EPHA4: variants seen among roughly 807,000 people sequenced by gnomAD.
EPHA4 encodes the protein EPH receptor A4, also known as ephrin type-A receptor 4.
In EPHA4, 19 loss-of-function variants were observed where a neutral mutation model predicts 108.3. The observed-to-expected ratio is 0.18, with a 90% CI of 0.12 to 0.26. The LOEUF (loss-of-function observed/expected upper bound fraction) is 0.26. Ranked by LOEUF, EPHA4 falls within the 10% of genes least tolerant of loss-of-function variation. EPHA4 has a pLI of 1.00. For missense variants in EPHA4, 917 were observed against 1,254.0 expected, an observed-to-expected ratio of 0.73 and a Z score of 4.06; for synonymous variants, 449 against 455.5, an observed-to-expected ratio of 0.99 and a Z score of 0.18.
At chr2:221,566,105 G>A (rs188346496) in intron 2 of EPHA4, among the ~76,000 whole-genome samples, 14 of 152,258 alleles carry the variant, frequency 9.2e-5, no homozygotes, top group South Asian at 2.1e-4. Flanking sequence ...TGGCTACAAC[G>A]ATGTTATCAG....
intron 5 of EPHA4, among the ~76,000 whole-genome samples, chr2:221,473,509 A>G (rs1390829708): frequency 1.3e-5 from 2 of 149,648 alleles, no homozygotes; most frequent in Non-Finnish European, 3.0e-5. Flanking sequence ...TTAATGCAAG[A>G]TAAGTCCTGT....
At chr2:221,527,803 A>G (rs1274348172) in intron 3 of EPHA4, among the ~76,000 whole-genome samples, 1 of 152,188 alleles carries the variant, frequency 6.6e-6, no homozygotes, top group Non-Finnish European at 1.5e-5. Context: ...ATTGAGGAAC[A>G]AAGAGATGAG....
At position 221,438,191 on chromosome 2, in the gene EPHA4, T is replaced by C. The variant is rs184640846; in HGVS notation, c.2075-1069A>G. On this transcript the variant is annotated intron_variant, in intron 11 of 17. Coordinates refer to ENST00000281821, the MANE Select transcript of EPHA4 (RefSeq NM_004438.5). The stretch of plus-strand genomic sequence containing the variant: ...CCATTCCCCCTACCTATTTTTTTTT[T>C]CTGCAAAGAAATAAAAATGATTTTA... 2.6e-3 allele frequency among the ~76,000 whole-genome samples: 395 copies of C among 152,198 alleles called. 2 individuals carry two copies. The highest frequency in any genetic ancestry group is 8.3e-3 in the African/African-American group (346 of 41,494).
rs200748922 is a variant in EPHA4, at chr2:221,501,054, G to T, written c.942C>A (p.Phe314Leu). ...ATSCTCDRGF[F>L]RADNDAASMP... ...TAGAGGCAGCATCGTTGTCAGCTCT[G>T]AAAAAGCCTCGGTCACAGGTGCACG... is the stretch of plus-strand genomic sequence containing the variant. The change falls in exon 4 of 18, where the codon TTC becomes TTA. Residue 314 changes from phenylalanine to leucine, a missense_variant. Transcript: ENST00000281821. 6.2e-7 allele frequency: 1 copy of T among 1,612,888 alleles called. No individual in the cohort carries two copies. The highest frequency in any genetic ancestry group is 1.3e-5 in the African/African-American group (1 of 74,988).
chr2:221,443,060 AG>A, intron 10 of EPHA4, 46 bp from the exon 11 acceptor site: 1 of 930,774 alleles, frequency 1.1e-6, no homozygotes, highest in Non-Finnish European at 1.5e-6. Flanking sequence ...AACACATTCA[AG>A]ATGAAAGAAT....
chr2:221,561,066 C>T (rs1296130510), intron 3 of EPHA4, among the ~76,000 whole-genome samples: 3 of 152,108 alleles, frequency 2.0e-5, no homozygotes, highest in Non-Finnish European at 4.4e-5. Flanking sequence ...CACGGTGAAA[C>T]CCCGTCTCTA....
intron 3 of EPHA4, among the ~76,000 whole-genome samples, chr2:221,514,960 C>T (rs1028875758): frequency 6.6e-6 from 1 of 152,054 alleles, no homozygotes. Context: ...CACTAACAAC[C>T]TAAATTTATC....
chr2:221,527,427 C>T (rs1296211002), intron 3 of EPHA4, among the ~76,000 whole-genome samples: 1 of 152,122 alleles, frequency 6.6e-6, no homozygotes, highest in Non-Finnish European at 1.5e-5. Context: ...TCAAAAGATG[C>T]CCTGGACAGA....
chr2:221,553,578 A>T (rs994338027), intron 3 of EPHA4, among the ~76,000 whole-genome samples: 4 of 152,236 alleles, frequency 2.6e-5, no homozygotes, highest in Admixed American at 1.3e-4. Context: ...GCCAAATGTC[A>T]AACAGCAGGG....
chr2:221,485,353 G>A (rs559700218), intron 4 of EPHA4, among the ~76,000 whole-genome samples: 61 of 152,314 alleles, frequency 4.0e-4, no homozygotes, highest in African/African-American at 1.4e-3. Flanking sequence ...CTAAGCTAGG[G>A]CAGCCTTCTT....
intron 6 of EPHA4, 143 bp downstream of exon 6, chr2:221,457,723 G>A (rs1691004262): frequency 1.2e-6 from 1 of 860,544 alleles, no homozygotes. Context: ...AAGGGAGGGA[G>A]CAAAGGAGGA....
chr2:221,513,444 GATT>G (rs1692891768), intron 3 of EPHA4, among the ~76,000 whole-genome samples: 1 of 152,190 alleles, frequency 6.6e-6, no homozygotes, highest in Non-Finnish European at 1.5e-5. Flanking sequence ...CAGGAATCAT[GATT>G]TATGCAGCTG....
At chr2:221,439,125 C>T (rs1690334621) in intron 11 of EPHA4, among the ~76,000 whole-genome samples, 1 of 152,022 alleles carries the variant, frequency 6.6e-6, no homozygotes, top group Non-Finnish European at 1.5e-5. Context: ...AAAATGGTAC[C>T]ATGGACATTT....
chr2:221,459,037 T>G lies in EPHA4; in HGVS notation c.1319-1047A>C, dbSNP rs186020063. ...CATCCTCCTGCCCTTTTGCAATACA[T>G]GCGTATGAATGCCAACCCCTAACTC... On this transcript the variant is annotated intron_variant, in intron 5 of 17. Coordinates refer to ENST00000281821, the MANE Select transcript of EPHA4 (RefSeq NM_004438.5). Among the ~76,000 whole-genome samples, 22 of 152,298 alleles carry G rather than the reference T, an allele frequency of 1.4e-4. No individual in the cohort carries two copies. In the East Asian group the frequency reaches 3.9e-3, roughly 27 times the overall value.
chr2:221,423,189 C>A (rs1239012035), intron 17 of EPHA4, among the ~76,000 whole-genome samples: 1 of 152,214 alleles, frequency 6.6e-6, no homozygotes, highest in South Asian at 2.1e-4. Flanking sequence ...TGCAACAACA[C>A]CATGCATTAG....
At chr2:221,475,189 A>G (rs926668297) in intron 5 of EPHA4, among the ~76,000 whole-genome samples, 1 of 152,158 alleles carries the variant, frequency 6.6e-6, no homozygotes, top group Admixed American at 6.5e-5. Context: ...ATTATTTAAA[A>G]AGAAAATTGC....
chr2:221,522,098 C>T (rs1275854852), intron 3 of EPHA4, among the ~76,000 whole-genome samples: 1 of 152,222 alleles, frequency 6.6e-6, no homozygotes, highest in Non-Finnish European at 1.5e-5. Context: ...CCAGGCACTT[C>T]AAATATGCAT....
intron 13 of EPHA4, among the ~76,000 whole-genome samples, chr2:221,435,936 A>AT (rs1690219020): frequency 9.4e-6 from 1 of 106,170 alleles, no homozygotes; most frequent in Admixed American, 1.1e-4. Context: ...TAAAACAACA[A>AT]CAAAAAAAAA....
chr2:221,433,180 G>A (rs1001120844), intron 14 of EPHA4, among the ~76,000 whole-genome samples: 26 of 152,118 alleles, frequency 1.7e-4, no homozygotes, highest in African/African-American at 5.3e-4. Context: ...TTAAGTGCAC[G>A]TGGCTCTAAC....
Sources: gnomAD v4.1 joint callset for allele counts (sites outside exome capture counted in the v4.1 genomes callset) on GRCh38, gnomAD v4.1.1 for gene constraint, MANE v1.5 for transcripts, NCBI Gene and HGNC (gene_info 2026-07-23, HGNC 2026-07-21) for gene names.